Variants in KAZN observed in about 807,000 individuals in gnomAD.
KAZN encodes the protein kazrin.
Under a neutral mutation model 87.4 loss-of-function variants are expected in KAZN, and 40 were observed. The observed-to-expected ratio is 0.46, with a 90% confidence interval of 0.36 to 0.60. KAZN has a LOEUF of 0.60. Ranked by LOEUF, KAZN falls within the 20% of genes least tolerant of loss-of-function variation. The pLI is 0.00. For synonymous variants in KAZN, 466 were observed against 458.3 expected (o/e 1.02, Z -0.22); for missense variants, 898 against 1,073.9 (o/e 0.84, Z 2.29).
chr1:13,984,053 C>T (rs1433810619), intron 1 of KAZN, among the ~76,000 whole-genome samples: 1 of 151,996 alleles, frequency 6.6e-6, no homozygotes, highest in Non-Finnish European at 1.5e-5. Flanking sequence ...GCTGTGTCCC[C>T]AGGCTGGAAT....
At chr1:14,373,982 A>G (rs1054121551) in intron 2 of KAZN, among the ~76,000 whole-genome samples, 1 of 152,228 alleles carries the variant, frequency 6.6e-6, no homozygotes, top group African/African-American at 2.4e-5. Flanking sequence ...GTAAACTAAC[A>G]TAAGCCAATC....
At chr1:15,109,474 GCTGAGCAGGAA>G (rs1302525963) in intron 13 of KAZN, among the ~76,000 whole-genome samples, 2 of 152,190 alleles carry the variant, frequency 1.3e-5, no homozygotes, top group Non-Finnish European at 2.9e-5. Context: ...GGAGGGAATA[GCTGAGCAGGAA>G]CTCCAACCAC....
intron 1 of KAZN, among the ~76,000 whole-genome samples, chr1:14,812,490 CA>C (rs1318822696): frequency 1.3e-5 from 2 of 152,130 alleles, no homozygotes; most frequent in Non-Finnish European, 2.9e-5. Context: ...TCCCGGATCA[CA>C]TTCATTTTTC....
At chr1:14,971,024 C>T (rs1664969325) in intron 2 of KAZN, among the ~76,000 whole-genome samples, 1 of 152,218 alleles carries the variant, frequency 6.6e-6, no homozygotes, top group South Asian at 2.1e-4. Context: ...CGTGAGTCAT[C>T]AGTCCTCCCA....
chr1:15,003,812 G>A (rs934578915), intron 2 of KAZN, among the ~76,000 whole-genome samples: 1 of 152,048 alleles, frequency 6.6e-6, no homozygotes, highest in African/African-American at 2.4e-5. Flanking sequence ...GCCGTAAAAT[G>A]TCCCTGCCTG....
chr1:14,915,482 C>T (rs910703314), intron 1 of KAZN, among the ~76,000 whole-genome samples: 2 of 152,120 alleles, frequency 1.3e-5, no homozygotes, highest in African/African-American at 4.8e-5. Context: ...CATAGTGTCA[C>T]GATTCCCAGA....
At chr1:14,417,762 C>T (rs921648567) in intron 2 of KAZN, among the ~76,000 whole-genome samples, 3 of 151,698 alleles carry the variant, frequency 2.0e-5, no homozygotes, top group Non-Finnish European at 4.4e-5. Context: ...TTTGGGAGGC[C>T]AAAGCAGGCA....
chr1:14,641,631 C>T (rs1345796860), intron 1 of KAZN, among the ~76,000 whole-genome samples: 1 of 152,152 alleles, frequency 6.6e-6, no homozygotes, highest in Non-Finnish European at 1.5e-5. Flanking sequence ...GGAAAGTCTA[C>T]CAACCAAAAT....
At chr1:14,254,624 G>A (rs1650338378) in intron 2 of KAZN, among the ~76,000 whole-genome samples, 1 of 152,052 alleles carries the variant, frequency 6.6e-6, no homozygotes, top group African/African-American at 2.4e-5. Flanking sequence ...TTATTTTACG[G>A]CTAAGCACCA....
At chr1:14,108,173 T>A (rs1267898719) in intron 1 of KAZN, among the ~76,000 whole-genome samples, 2 of 152,056 alleles carry the variant, frequency 1.3e-5, no homozygotes, top group African/African-American at 4.8e-5. Context: ...GTCTCACCGC[T>A]CTTTCTACTG....
chr1:13,975,703 T>C (rs187270241), intron 1 of KAZN, among the ~76,000 whole-genome samples: 1 of 152,290 alleles, frequency 6.6e-6, no homozygotes, highest in Admixed American at 6.5e-5. Flanking sequence ...TAGTATTGAC[T>C]CAATTGTCTC....
chr1:13,930,383 A>G (rs1268045326), intron 1 of KAZN, among the ~76,000 whole-genome samples: 1 of 152,196 alleles, frequency 6.6e-6, no homozygotes, highest in Non-Finnish European at 1.5e-5. Context: ...CTGTCGACCC[A>G]CAAATGAGAA....
chr1:14,195,904 A>ATG (rs1396238324), intron 2 of KAZN, among the ~76,000 whole-genome samples: 1 of 152,184 alleles, frequency 6.6e-6, no homozygotes, highest in Non-Finnish European at 1.5e-5. Flanking sequence ...AAATAAATTT[A>ATG]TGTGTCAGGC....
At chr1:15,106,132 T>G (rs867780311) in intron 13 of KAZN, among the ~76,000 whole-genome samples, 51 of 152,022 alleles carry the variant, frequency 3.4e-4, no homozygotes, top group African/African-American at 1.2e-3. Flanking sequence ...ATTAAAAAAA[T>G]TCCCTGGAGG....
chr1:14,608,998 G>A (rs1677597609), intron 1 of KAZN, among the ~76,000 whole-genome samples: 1 of 152,122 alleles, frequency 6.6e-6, no homozygotes, highest in African/African-American at 2.4e-5. Flanking sequence ...TTTCTTGATG[G>A]TGGCAAGGTA....
chr1:14,434,823 A>G (rs1453833161), intron 2 of KAZN, among the ~76,000 whole-genome samples: 2 of 143,508 alleles, frequency 1.4e-5, no homozygotes, highest in East Asian at 2.1e-4. Context: ...TACATCAGCC[A>G]CTCGCTCTCG....
At chr1:13,962,660 C>T (rs1306278483) in intron 1 of KAZN, among the ~76,000 whole-genome samples, 1 of 152,138 alleles carries the variant, frequency 6.6e-6, no homozygotes, top group African/African-American at 2.4e-5. Context: ...CAGGTTCAAG[C>T]GATTCTCCTG....
intron 1 of KAZN, among the ~76,000 whole-genome samples, chr1:14,665,910 T>G (rs1572173446): frequency 8.7e-6 from 1 of 114,324 alleles, no homozygotes; most frequent in Non-Finnish European, 1.7e-5. Flanking sequence ...GTTTGGAGGC[T>G]ACAAGAAGGA....
intron 2 of KAZN, among the ~76,000 whole-genome samples, chr1:14,457,516 T>A (rs1173788025): frequency 6.6e-6 from 1 of 152,220 alleles, no homozygotes. Flanking sequence ...CAGAAATAAT[T>A]CATGCACGTG....
Sources: allele counts gnomAD v4.1 joint callset (sites outside exome capture counted in the v4.1 genomes callset), GRCh38; gene constraint gnomAD v4.1.1; transcripts MANE v1.5; gene names NCBI Gene and HGNC (gene_info 2026-07-23, HGNC 2026-07-21).